The following CCSER2 variants were observed in gnomAD, a reference collection of about 807,000 sequenced individuals.
The protein encoded by CCSER2 is serine-rich coiled-coil domain-containing protein 2.
A neutral mutation model predicts 92.3 loss-of-function variants in CCSER2; 46 were observed. The observed-to-expected ratio is 0.50, with a 90% CI of 0.39 to 0.64. The LOEUF (loss-of-function observed/expected upper bound fraction) is 0.64, where lower values mean the gene tolerates loss of function less well. CCSER2 is among the 30% of genes least tolerant of loss of function. CCSER2 has a pLI of 0.00. For synonymous variants in CCSER2, 433 were observed against 431.4 expected (o/e 1.00, Z -0.04); for missense variants, 1,244 against 1,238.9 (o/e 1.00, Z -0.06).
At chr10:84,507,062 T>A (rs1347201257) in intron 9 of CCSER2, among the ~76,000 whole-genome samples, 1 of 152,230 alleles carries the variant, frequency 6.6e-6, no homozygotes, top group Non-Finnish European at 1.5e-5. Context: ...TATGAGTATT[T>A]GTACTAACTC....
rs1173165014 is a variant in CCSER2 at position 84,372,421 on chromosome 10, G to A, written c.1369G>A (p.Glu457Lys). 2 of 1,586,284 alleles carry A rather than the reference G, an allele frequency of 1.3e-6. No homozygotes were observed. The highest frequency in any genetic ancestry group is 3.9e-5 in the Admixed American group (2 of 51,530). ...QDMFDSPKEN[E>K]KAFSKTDEWI... is the part of the protein sequence containing the mutation. The stretch of plus-strand genomic sequence containing the variant: ...TATGTTTGATTCCCCCAAGGAAAAT[G>A]AAAAAGCCTTCAGTAAAACTGATGA... The change falls in exon 2 of 10, where the codon GAA (glutamate) becomes AAA (lysine). Residue 457 changes from glutamate to lysine, a missense_variant. Transcript: ENST00000372088.
At chr10:84,331,480 C>A (rs146415394) in intron 1 of CCSER2, among the ~76,000 whole-genome samples, 113 of 152,292 alleles carry the variant, frequency 7.4e-4, no homozygotes, top group Middle Eastern at 3.4e-3. Flanking sequence ...CTTCTGATCA[C>A]CATATGGACA....
intron 1 of CCSER2, among the ~76,000 whole-genome samples, chr10:84,351,121 A>G (rs1844834225): frequency 6.6e-6 from 1 of 152,182 alleles, no homozygotes; most frequent in Non-Finnish European, 1.5e-5. Context: ...TTGTACCTAG[A>G]TAGTTCATAT....
intron 9 of CCSER2, among the ~76,000 whole-genome samples, chr10:84,512,033 A>T (rs1849373928): frequency 6.6e-6 from 1 of 152,046 alleles, no homozygotes; most frequent in Admixed American, 6.6e-5. Flanking sequence ...TTTTAATGCA[A>T]GTCAGCTGTA....
At chr10:84,389,986 C>T (rs954865991) in intron 3 of CCSER2, among the ~76,000 whole-genome samples, 7 of 152,058 alleles carry the variant, frequency 4.6e-5, no homozygotes, top group African/African-American at 1.7e-4. Context: ...TGTTTCAGAG[C>T]CAAGTTTTGG....
intron 1 of CCSER2, among the ~76,000 whole-genome samples, chr10:84,353,298 G>T (rs1174220889): frequency 6.6e-6 from 1 of 151,998 alleles, no homozygotes; most frequent in African/African-American, 2.4e-5. Flanking sequence ...TTCCATGGGT[G>T]TTCCTGTCTC....
chr10:84,371,777 A>G lies in CCSER2; in HGVS notation c.725A>G (p.His242Arg). Residue 242 changes from histidine to arginine, a missense_variant, in exon 2 of 10, where the codon CAT (histidine) becomes CGT (arginine). His to Arg is a conservative substitution (Grantham distance 29, BLOSUM62 0). Transcript: ENST00000372088. ...FLPPSSITRS[H>R]SFNRAVDLTK... ...CCACCTTCATCTATAACCAGATCAC[A>G]TTCCTTTAATAGAGCTGTGGATCTT... 2.5e-6 allele frequency: 4 copies of G among 1,613,736 alleles called. No homozygotes were observed. The highest frequency in any genetic ancestry group is 3.4e-6 in the Non-Finnish European group (4 of 1,179,778).
intron 3 of CCSER2, chr10:84,390,839 T>C (rs1841480359): frequency 1.3e-5 from 7 of 545,760 alleles, no homozygotes; most frequent in Non-Finnish European, 2.4e-5. Flanking sequence ...ATCTTGGACA[T>C]CTTAATCTTA....
chr10:84,461,672 T>TC lies in CCSER2; in HGVS notation c.2065-2261_2065-2260insC, dbSNP rs1564690250. 2.6e-5 allele frequency among the ~76,000 whole-genome samples: 4 copies of TC among 151,816 alleles called. No individual in the cohort carries two copies. The East Asian group carries it at 5.8e-4, about 22-fold the overall frequency. ...ACTTTTTATATTCTGTTTTTTTTTT[T>TC]TCCCCCTGAGATTTTCTCTTTGTAG... On this transcript the variant is annotated intron_variant, in intron 6 of 9. Transcript: ENST00000372088.
At chr10:84,457,316 A>G (rs1589718701) in intron 6 of CCSER2, among the ~76,000 whole-genome samples, 1 of 72,020 alleles carries the variant, frequency 1.4e-5, no homozygotes, top group South Asian at 3.6e-4. Context: ...GTTATATATA[A>G]TATATTATAT....
chr10:84,382,961 T>G (rs1238569633), intron 3 of CCSER2, among the ~76,000 whole-genome samples: 1 of 152,236 alleles, frequency 6.6e-6, no homozygotes, highest in Non-Finnish European at 1.5e-5. Flanking sequence ...TGTGTTTTAC[T>G]AAGAGGAGAG....
intron 9 of CCSER2, among the ~76,000 whole-genome samples, chr10:84,495,146 G>T (rs1330291673): frequency 6.8e-6 from 1 of 146,660 alleles, no homozygotes; most frequent in South Asian, 2.2e-4. Flanking sequence ...TATACATTAT[G>T]TATTTTCTTT....
intron 1 of CCSER2, among the ~76,000 whole-genome samples, chr10:84,338,291 TA>T (rs77000035): frequency 0.27 from 29,594 of 108,760 alleles, 3,089 homozygotes; most frequent in Admixed American, 0.37. Flanking sequence ...AAGAAAAACT[TA>T]AAAAAAAAAA....
intron 1 of CCSER2, among the ~76,000 whole-genome samples, chr10:84,356,101 C>CAA (rs57079136): frequency 1.1e-3 from 92 of 84,064 alleles, no homozygotes; most frequent in African/African-American, 3.1e-3. Flanking sequence ...GAAACTGTCT[C>CAA]AAAAAAAAAA....
chr10:84,477,925 CCT>C (rs1272740007), intron 9 of CCSER2, among the ~76,000 whole-genome samples: 1 of 152,166 alleles, frequency 6.6e-6, no homozygotes, highest in African/African-American at 2.4e-5. Flanking sequence ...TGTCTACTCT[CCT>C]CTTATTGCAT....
chr10:84,332,427 TA>T (rs1843615325), intron 1 of CCSER2, among the ~76,000 whole-genome samples: 6 of 85,006 alleles, frequency 7.1e-5, no homozygotes, highest in Admixed American at 2.6e-4. Context: ...TATATATATA[TA>T]TATATATATT....
rs76064925 is a variant in CCSER2, at chr10:84,422,473, G to A, written c.1706-3258G>A. ...CTTGACTTCCCCCTCAGAATACTTT[G>A]CTAATCACACTTTTTTCTTCTTTAT... On this transcript the variant is annotated intron_variant, in intron 4 of 9. Coordinates refer to ENST00000372088, the MANE Select transcript of CCSER2 (RefSeq NM_001284240.2). Among the ~76,000 whole-genome samples the A allele has an allele frequency of 1.3e-3, 199 of 152,252 alleles. 2 individuals are homozygous for A. The East Asian group carries it at 0.037, about 28-fold the overall frequency.
intron 5 of CCSER2, among the ~76,000 whole-genome samples, chr10:84,437,130 T>TACACAC (rs141781493): frequency 3.4e-4 from 50 of 147,590 alleles, no homozygotes; most frequent in East Asian, 1.0e-3. Context: ...GCCAACCAAA[T>TACACAC]ACACACACAC....
At chr10:84,396,478 C>T (rs556167688) in intron 3 of CCSER2, among the ~76,000 whole-genome samples, 7 of 151,704 alleles carry the variant, frequency 4.6e-5, no homozygotes, top group East Asian at 3.9e-4. Flanking sequence ...ATCCTTTCAG[C>T]GTGATTGTAT....
Sources: allele counts gnomAD v4.1 joint callset (sites outside exome capture counted in the v4.1 genomes callset), GRCh38; gene constraint gnomAD v4.1.1; transcripts MANE v1.5; gene names NCBI Gene and HGNC (gene_info 2026-07-23, HGNC 2026-07-21).